ZC3H12B: variants seen among roughly 807,000 people sequenced by gnomAD.
The protein encoded by ZC3H12B is probable ribonuclease ZC3H12B.
A neutral mutation model predicts 43.9 loss-of-function variants in ZC3H12B; 7 were observed. The ratio of observed to expected loss-of-function variants is 0.16; its 90% CI spans 0.09 to 0.30. The LOEUF (loss-of-function observed/expected upper bound fraction) is 0.30. ZC3H12B is among the 10% of genes least tolerant of loss of function. ZC3H12B has a pLI of 1.00. For missense variants in ZC3H12B, 475 were observed against 670.2 expected, an observed-to-expected ratio of 0.71 and a Z score of 3.22; for synonymous variants, 222 against 241.7, an observed-to-expected ratio of 0.92 and a Z score of 0.76.
the ZC3H12B span, among the ~76,000 whole-genome samples, chrX:65,143,667 A>G: frequency 9.3e-6 from 1 of 107,029 alleles, no homozygotes; most frequent in Non-Finnish European, 1.9e-5. Flanking sequence ...GGTTCAAGTG[A>G]TTCTTCTGCC....
chrX:65,414,047 G>A (rs1388515321), intron 3 of ZC3H12B, among the ~76,000 whole-genome samples: 1 of 111,957 alleles, frequency 8.9e-6, no homozygotes, highest in African/African-American at 3.2e-5. Context: ...ATTGTAAATT[G>A]AATTGTTTTA....
intron 1 of ZC3H12B, among the ~76,000 whole-genome samples, chrX:65,490,424 G>A (rs1481218583): frequency 1.9e-5 from 2 of 103,309 alleles, no homozygotes; most frequent in African/African-American, 7.3e-5. Context: ...CTTCTAGAAA[G>A]CTGAAAAGGG....
the ZC3H12B span, among the ~76,000 whole-genome samples, chrX:65,231,938 TTAAAG>T: frequency 9.0e-6 from 1 of 111,420 alleles, no homozygotes; most frequent in African/African-American, 3.3e-5. Context: ...GATTAAGAGA[TTAAAG>T]TAAGACAGGA....
At chrX:65,148,959 T>G in the ZC3H12B span, among the ~76,000 whole-genome samples, 1 of 111,687 alleles carries the variant, frequency 9.0e-6, no homozygotes, top group African/African-American at 3.3e-5. Flanking sequence ...TTTTTTTATT[T>G]TGTCTCCTTT....
chrX:65,158,027 G>T, the ZC3H12B span, among the ~76,000 whole-genome samples: 1 of 102,872 alleles, frequency 9.7e-6, no homozygotes, highest in Non-Finnish European at 2.0e-5. Flanking sequence ...GCTGTGTTTG[G>T]TTTTTTGCCC....
the ZC3H12B span, among the ~76,000 whole-genome samples, chrX:65,269,824 G>A: frequency 1.2e-4 from 13 of 111,129 alleles, no homozygotes; most frequent in South Asian, 4.5e-3. Context: ...TTAAAAAAAA[G>A]GAAGTGAAAG....
intron 3 of ZC3H12B, among the ~76,000 whole-genome samples, chrX:65,445,491 C>T (rs1052657047): frequency 4.5e-5 from 5 of 112,281 alleles, no homozygotes; most frequent in Non-Finnish European, 9.4e-5. Context: ...CTTTATTTTC[C>T]CCCAAACAAA....
At chrX:65,430,811 G>T (rs1410502035) in intron 3 of ZC3H12B, among the ~76,000 whole-genome samples, 1 of 110,930 alleles carries the variant, frequency 9.0e-6, no homozygotes, top group Non-Finnish European at 1.9e-5. Flanking sequence ...CTGAGGATGG[G>T]GGTTCACTTG....
In ZC3H12B at chrX:65,460,422, C is replaced by G. The variant is rs764336508; in HGVS notation, n.408-28224C>G. On this transcript the variant is annotated intron_variant and non_coding_transcript_variant, in intron 3 of 5. Coordinates refer to the ZC3H12B transcript ENST00000617377. The stretch of plus-strand genomic sequence containing the variant: ...CCAAGTGAATCCTAAACCAAAAGAA[C>G]AGAGCTGGAGGCATCACACTACCTA... Among the ~76,000 whole-genome samples the G allele has an allele frequency of 4.5e-5, 5 of 112,000 alleles. No individual in the cohort carries two copies. The South Asian group carries it at 1.5e-3, about 33-fold the overall frequency.
the ZC3H12B span, among the ~76,000 whole-genome samples, chrX:65,153,646 T>C: frequency 8.9e-6 from 1 of 112,121 alleles, no homozygotes; most frequent in Middle Eastern, 4.2e-3. Flanking sequence ...TGTAAACTAG[T>C]TCAACCATTG....
intron 2 of ZC3H12B, among the ~76,000 whole-genome samples, chrX:65,373,669 C>T (rs1200232549): frequency 1.0e-5 from 1 of 95,239 alleles, no homozygotes; most frequent in Non-Finnish European, 2.0e-5. Flanking sequence ...AATGTTCTCA[C>T]TCATAGGTGA....
intron 2 of ZC3H12B, among the ~76,000 whole-genome samples, chrX:65,396,460 G>A (rs1366249688): frequency 1.8e-5 from 2 of 111,915 alleles, no homozygotes; most frequent in African/African-American, 3.2e-5. Flanking sequence ...TTCAGAAGCA[G>A]GTTGTTCAGT....
chrX:65,424,422 C>T (rs2227108), intron 3 of ZC3H12B, among the ~76,000 whole-genome samples: 13,650 of 111,240 alleles, frequency 0.12, 2,008 homozygotes, highest in African/African-American at 0.42. Flanking sequence ...AGGTTGTCTG[C>T]TCACTTTGGT....
the ZC3H12B span, among the ~76,000 whole-genome samples, chrX:65,118,919 G>T: frequency 1.9e-5 from 2 of 107,177 alleles, no homozygotes; most frequent in Non-Finnish European, 3.8e-5. Context: ...CTGTCCTTGC[G>T]ATAGTTTCCT....
chrX:65,266,996 G>A, the ZC3H12B span, among the ~76,000 whole-genome samples: 57 of 110,296 alleles, frequency 5.2e-4, no homozygotes, highest in African/African-American at 1.8e-3. Flanking sequence ...AAATTAAGAA[G>A]TCCACATGCA....
chrX:65,065,512 C>T, the ZC3H12B span, among the ~76,000 whole-genome samples: 4 of 112,301 alleles, frequency 3.6e-5, no homozygotes, highest in Non-Finnish European at 3.8e-5. Flanking sequence ...GAGAGAGCCA[C>T]TGTTAGTCTG....
At chrX:65,352,767 C>T in the ZC3H12B span, among the ~76,000 whole-genome samples, 1 of 112,125 alleles carries the variant, frequency 8.9e-6, no homozygotes, top group Non-Finnish European at 1.9e-5. Flanking sequence ...CTCTGTGTCA[C>T]ATTTTGGTTA....
chrX:65,168,820 G>T, the ZC3H12B span, among the ~76,000 whole-genome samples: 1 of 111,538 alleles, frequency 9.0e-6, no homozygotes, highest in Non-Finnish European at 1.9e-5. Context: ...TTTCTAGTTT[G>T]TTTTGTAGAG....
At chrX:65,443,425 C>G (rs1427467445) in intron 3 of ZC3H12B, among the ~76,000 whole-genome samples, 2 of 111,618 alleles carry the variant, frequency 1.8e-5, no homozygotes, top group Non-Finnish European at 3.8e-5. Flanking sequence ...GACACACACA[C>G]AGAAATATAG....
Sources: allele counts gnomAD v4.1 joint callset (sites outside exome capture counted in the v4.1 genomes callset), GRCh38; gene constraint gnomAD v4.1.1; transcripts MANE v1.5; gene names NCBI Gene and HGNC (gene_info 2026-07-23, HGNC 2026-07-21).